ZDHHC6: variants seen among roughly 807,000 people sequenced by gnomAD.
ZDHHC6 encodes the protein palmitoyltransferase ZDHHC6.
ZDHHC6 carries 32 observed loss-of-function variants against 57.8 expected under a neutral mutation model. The ratio of observed to expected loss-of-function variants is 0.55; its 90% CI spans 0.42 to 0.74. The LOEUF is 0.74. Ranked by LOEUF, ZDHHC6 falls within the 30% of genes least tolerant of loss-of-function variation. The probability of loss-of-function intolerance (pLI) is 0.00; values close to 1 mark genes in which losing one functional copy is unlikely to be tolerated. For synonymous variants in ZDHHC6, 128 were observed against 158.0 expected (o/e 0.81, Z 1.42); for missense variants, 433 against 500.7 (o/e 0.86, Z 1.29).
In ZDHHC6 at chr10:112,433,284, G is replaced by C; in HGVS notation, c.904-3C>G. 1 of 1,564,084 alleles carries C rather than the reference G, an allele frequency of 6.4e-7. No individual in the cohort carries two copies. Among genetic ancestry groups the C allele is most frequent in the South Asian group, 1.2e-5 (1 of 82,314 alleles). On this transcript the variant is annotated splice_region_variant and splice_polypyrimidine_tract_variant and intron_variant, in intron 7 of 10. Transcript: ENST00000369405. The stretch of plus-strand genomic sequence containing the variant: ...GCTTTTTGTTTCAACTGTTCTATCT[G>C]TTTGGAAGAAATAAAAAGAAAAAAA...
intron 9 of ZDHHC6, 33 bp from the exon 10 acceptor site, chr10:112,432,319 T>G (rs1481404555): frequency 6.2e-7 from 1 of 1,606,674 alleles, no homozygotes; most frequent in Non-Finnish European, 8.5e-7. Context: ...ATTAATTTTT[T>G]AGGCTAGATA....
downstream of ZDHHC6, among the ~76,000 whole-genome samples, chr10:112,426,011 C>T (rs563478028): frequency 3.9e-5 from 6 of 152,068 alleles, no homozygotes; most frequent in East Asian, 9.6e-4. Flanking sequence ...AAGCCAGAGG[C>T]GCTTTAAGCT....
chr10:112,425,346 T>G, downstream of ZDHHC6: 1 of 1,612,238 alleles, frequency 6.2e-7, no homozygotes, highest in Non-Finnish European at 8.5e-7. Context: ...AGAATGGAAC[T>G]CTGAAGATCA....
downstream of ZDHHC6, among the ~76,000 whole-genome samples, chr10:112,426,017 A>C (rs1844680243): frequency 6.6e-6 from 1 of 152,154 alleles, no homozygotes; most frequent in South Asian, 2.1e-4. Flanking sequence ...GAGGCGCTTT[A>C]AGCTTAATGT....
In ZDHHC6 at chr10:112,445,285, G is replaced by T. The variant is rs772762177; in HGVS notation, c.152C>A (p.Thr51Lys). Residue 51 changes from threonine (T) to lysine (K), a missense_variant, in exon 2 of 11, where the codon ACA becomes AAA. Coordinates refer to ENST00000369405, the MANE Select transcript of ZDHHC6 (RefSeq NM_022494.3). Reference protein sequence around the residue: ...DSVLWYWPLHTTGGSVNFIML... With the variant: ...DSVLWYWPLHKTGGSVNFIML... ...GATGAAATTCACACTTCCTCCAGTTGTATGTAAGGGCCAATACCACAACAC... is the reference window on the plus strand; with the variant it reads ...GATGAAATTCACACTTCCTCCAGTTTTATGTAAGGGCCAATACCACAACAC... 2 of 1,614,020 alleles carry T rather than the reference G, an allele frequency of 1.2e-6. No individual in the cohort carries two copies. Among genetic ancestry groups the T allele is most frequent in the Non-Finnish European group, 1.7e-6 (2 of 1,180,034 alleles).
chr10:112,437,519 T>C (rs909911068), intron 6 of ZDHHC6, among the ~76,000 whole-genome samples: 2 of 152,352 alleles, frequency 1.3e-5, no homozygotes, highest in African/African-American at 4.8e-5. Context: ...TATCCTTTTC[T>C]ACCTACTTAT....
Position 112,430,855 on chromosome 10 carries a change from G to A in ZDHHC6, c.1191C>T (p.Pro397=), listed in dbSNP as rs752188498. Reference sequence around the variant, plus strand: ...GGGCTTGATCTGTTTCAGCATCACAGGGACACTTTTCCACACATTTTCTAG... The same window carrying A: ...GGGCTTGATCTGTTTCAGCATCACAAGGACACTTTTCCACACATTTTCTAG... ...WFPRKCVEKC[P]CDAETDQAPE... Residue 397 remains proline (P), a synonymous_variant, in exon 11 of 11, where the codon CCC becomes CCT. Transcript: ENST00000369405. 15 of 1,613,754 alleles carry A rather than the reference G, an allele frequency of 9.3e-6. No homozygotes were observed. In the East Asian group the frequency reaches 3.1e-4, roughly 34 times the overall value.
intron 7 of ZDHHC6, 157 bp from the exon 8 acceptor site, chr10:112,433,438 GA>G: frequency 1.0e-4 from 54 of 539,228 alleles, no homozygotes; most frequent in Non-Finnish European, 1.2e-4. Context: ...TTTTAGCATG[GA>G]AAAAAAGGCC....
rs536543655 is a variant in ZDHHC6 at position 112,436,346 on chromosome 10, A to G, written c.736-1882T>C. On this transcript the variant is annotated intron_variant, in intron 6 of 10. Transcript: ENST00000369405. ...AAAACTTAGCTGGGCATGGTGGCAT[A>G]CACCTTGTAATCCCAGCTACTTGGG... is the stretch of plus-strand genomic sequence containing the variant. Among the ~76,000 whole-genome samples, 4 of 152,264 alleles carry G rather than the reference A, an allele frequency of 2.6e-5. No homozygotes were observed. The South Asian group carries it at 8.3e-4, about 32-fold the overall frequency.
downstream of ZDHHC6, chr10:112,426,846 A>G (rs1844741701): frequency 3.1e-6 from 5 of 1,613,604 alleles, no homozygotes; most frequent in East Asian, 8.9e-5. Flanking sequence ...AGTGGCCTTA[A>G]AACTTTTGAA....
In ZDHHC6 at chr10:112,440,562, A is replaced by G. The variant is rs138113304; in HGVS notation, c.653T>C (p.Ile218Thr). 2.6e-5 allele frequency: 42 copies of G among 1,613,784 alleles called. No homozygotes were observed. Among genetic ancestry groups the G allele is most frequent in the Non-Finnish European group, 3.6e-5 (42 of 1,179,848 alleles). Residue 218 changes from isoleucine to threonine, a missense_variant, in exon 5 of 11, where the codon ATA (isoleucine) becomes ACA (threonine). Coordinates refer to ENST00000369405, the MANE Select transcript of ZDHHC6 (RefSeq NM_022494.3). ...GATAAAAAACAACATCCCAACAGCT[A>G]TGGTTGTTCCTAAAGCTAATCCCAA... ...FALGLALGTT[I>T]AVGMLFFIQM... is the part of the protein sequence containing the mutation.
intron 6 of ZDHHC6, among the ~76,000 whole-genome samples, chr10:112,435,901 A>T (rs972246704): frequency 6.6e-6 from 1 of 152,194 alleles, no homozygotes; most frequent in Non-Finnish European, 1.5e-5. Flanking sequence ...TTAAAAGGTG[A>T]TGAAGGGGTG....
chr10:112,425,467 G>A (rs374877521), downstream of ZDHHC6: 8 of 1,611,624 alleles, frequency 5.0e-6, no homozygotes, highest in South Asian at 2.2e-5. Context: ...TTTTGTACAC[G>A]GGGAGAGCTT....
downstream of ZDHHC6, among the ~76,000 whole-genome samples, chr10:112,430,125 CACTA>C (rs1844900904): frequency 6.6e-6 from 1 of 152,258 alleles, no homozygotes; most frequent in Non-Finnish European, 1.5e-5. Flanking sequence ...CCGCTGCCAT[CACTA>C]TGACCGCAAT....
intron 8 of ZDHHC6, 40 bp downstream of exon 8, chr10:112,433,200 C>G: frequency 1.3e-6 from 2 of 1,538,010 alleles, no homozygotes. Context: ...CAGAGCCTAA[C>G]AAAAGAAAAA....
In ZDHHC6 at chr10:112,445,476, T is replaced by G. The variant is rs114174605; in HGVS notation, c.-40A>C. 3.1e-6 allele frequency: 5 copies of G among 1,594,928 alleles called. No individual in the cohort carries two copies. Among genetic ancestry groups the G allele is most frequent in the Non-Finnish European group, 4.3e-6 (5 of 1,170,158 alleles). Reference sequence around the variant, plus strand: ...ATGCCTTCCTACTTTAAAAGAATTATAGATTTCCTTTTTCTGTGCGCACAT... The same window carrying G: ...ATGCCTTCCTACTTTAAAAGAATTAGAGATTTCCTTTTTCTGTGCGCACAT... On this transcript the variant is annotated 5_prime_UTR_variant, in exon 2 of 11. Coordinates refer to ENST00000369405, the MANE Select transcript of ZDHHC6 (RefSeq NM_022494.3).
chr10:112,435,990 T>C (rs1845489006), intron 6 of ZDHHC6, among the ~76,000 whole-genome samples: 1 of 152,114 alleles, frequency 6.6e-6, no homozygotes, highest in Non-Finnish European at 1.5e-5. Context: ...GGAAGGGTCC[T>C]TGGGAGAAAC....
At chr10:112,447,270 CG>C, upstream of ZDHHC6, 2 of 1,273,754 alleles carry the variant, frequency 1.6e-6, no homozygotes, top group Non-Finnish European at 2.2e-6. Context: ...GTTCTGCTCT[CG>C]GGGGCACCTT....
At chr10:112,428,069 T>A (rs11195956), downstream of ZDHHC6, 20,814 of 208,652 alleles carry the variant, frequency 0.1, 1,203 homozygotes, top group East Asian at 0.16. Context: ...TTATTTACAG[T>A]AGGAACTGGG....
Sources: allele counts gnomAD v4.1 joint callset (sites outside exome capture counted in the v4.1 genomes callset), GRCh38; gene constraint gnomAD v4.1.1; transcripts MANE v1.5; gene names NCBI Gene and HGNC (gene_info 2026-07-23, HGNC 2026-07-21).